The following ZMIZ1 variants were observed in gnomAD, a reference collection of about 807,000 sequenced individuals.
ZMIZ1 encodes the protein zinc finger MIZ-type containing 1.
ZMIZ1 carries 17 observed loss-of-function variants against 113.9 expected under a neutral mutation model. The ratio of observed to expected loss-of-function variants is 0.15; its 90% CI spans 0.10 to 0.22. The LOEUF (loss-of-function observed/expected upper bound fraction) is 0.22, where lower values mean the gene tolerates loss of function less well. Among genes scored for constraint, ZMIZ1 ranks in the 10% least tolerant of loss-of-function variants. The probability of loss-of-function intolerance (pLI) is 1.00; values close to 1 mark genes in which losing one functional copy is unlikely to be tolerated. For synonymous variants in ZMIZ1, 607 were observed against 603.1 expected (o/e 1.01, Z -0.09); for missense variants, 1,059 against 1,477.8 (o/e 0.72, Z 4.65).
chr10:79,284,359 G>T (rs1852926129), intron 8 of ZMIZ1, among the ~76,000 whole-genome samples: 1 of 152,144 alleles, frequency 6.6e-6, no homozygotes, highest in Non-Finnish European at 1.5e-5. Flanking sequence ...GGGCTTTGAA[G>T]TATGGATAGA....
intron 7 of ZMIZ1, among the ~76,000 whole-genome samples, chr10:79,273,339 T>C (rs1852063773): frequency 6.8e-6 from 1 of 147,230 alleles, no homozygotes; most frequent in South Asian, 2.1e-4. Flanking sequence ...TCCTGCTTCT[T>C]GGTTTCTTTT....
intron 1 of ZMIZ1, among the ~76,000 whole-genome samples, chr10:79,092,271 C>T (rs1339381223): frequency 6.6e-6 from 1 of 152,240 alleles, no homozygotes; most frequent in East Asian, 1.9e-4. Flanking sequence ...TTCTCATCCC[C>T]TTCTGGAAAA....
intron 1 of ZMIZ1, among the ~76,000 whole-genome samples, chr10:79,110,346 A>G (rs1452568305): frequency 6.6e-6 from 1 of 152,182 alleles, no homozygotes; most frequent in Non-Finnish European, 1.5e-5. Flanking sequence ...ACCGGTGGCC[A>G]CTCGGTCTGG....
chr10:79,296,454 T>A lies in ZMIZ1; in HGVS notation c.1231-17T>A. ...AACATTGAACGTGTTTCCCCTCTCCTTTCTCTCCCACCACAGCCCAACTAT... is the reference window on the plus strand; with the variant it reads ...AACATTGAACGTGTTTCCCCTCTCCATTCTCTCCCACCACAGCCCAACTAT... On this transcript the variant is annotated splice_polypyrimidine_tract_variant and intron_variant, in intron 12 of 24. Transcript: ENST00000334512. The surrounding 1 kb of genome is among the most constrained non-coding windows in gnomAD (Gnocchi z 4.1). The A allele has an allele frequency of 6.2e-7, 1 of 1,613,492 alleles. No homozygotes were observed. The highest frequency in any genetic ancestry group is 8.5e-7 in the Non-Finnish European group (1 of 1,179,688).
At chr10:79,239,496 C>A (rs1180045214) in intron 7 of ZMIZ1, among the ~76,000 whole-genome samples, 1 of 152,220 alleles carries the variant, frequency 6.6e-6, no homozygotes, top group African/African-American at 2.4e-5. Flanking sequence ...TGGGTGACAT[C>A]TCCGAGTCAT....
chr10:79,130,662 C>T (rs576990635), intron 2 of ZMIZ1, among the ~76,000 whole-genome samples: 22 of 152,110 alleles, frequency 1.4e-4, no homozygotes, highest in African/African-American at 1.9e-4. Flanking sequence ...GGTCTGATTC[C>T]GGCTCCATCA....
chr10:79,309,837 C>A (rs1854998341), intron 23 of ZMIZ1, among the ~76,000 whole-genome samples: 3 of 152,160 alleles, frequency 2.0e-5, no homozygotes, highest in African/African-American at 7.2e-5. Context: ...GGCTGCTGTT[C>A]CAGTGGAGCA....
chr10:79,167,286 C>A (rs1357060949), intron 4 of ZMIZ1, among the ~76,000 whole-genome samples: 1 of 152,230 alleles, frequency 6.6e-6, no homozygotes, highest in African/African-American at 2.4e-5. Context: ...ATTCACAGGG[C>A]AGATATTTTA....
At chr10:79,173,115 G>A (rs1846674711) in intron 4 of ZMIZ1, among the ~76,000 whole-genome samples, 1 of 152,164 alleles carries the variant, frequency 6.6e-6, no homozygotes, top group Admixed American at 6.5e-5. Context: ...GCTGCTCAGG[G>A]CCTGCTTGGC....
In ZMIZ1 at chr10:79,197,325, C is replaced by G. The variant is rs955604125; in HGVS notation, c.-49-4259C>G. On this transcript the variant is annotated intron_variant, in intron 4 of 24. Coordinates refer to ENST00000334512, the MANE Select transcript of ZMIZ1 (RefSeq NM_020338.4). Reference sequence around the variant, plus strand: ...TGGGTATCACATGGTGCCTGGGAGACCACCAGGGTCCTTTGGCTCTGATGG... The same window carrying G: ...TGGGTATCACATGGTGCCTGGGAGAGCACCAGGGTCCTTTGGCTCTGATGG... Among the ~76,000 whole-genome samples the G allele has an allele frequency of 2.6e-5, 4 of 152,294 alleles. No individual in the cohort carries two copies. The South Asian group carries it at 8.3e-4, about 32-fold the overall frequency.
chr10:79,230,089 G>A (rs1849335078), intron 7 of ZMIZ1, among the ~76,000 whole-genome samples: 1 of 152,168 alleles, frequency 6.6e-6, no homozygotes, highest in African/African-American at 2.4e-5. Context: ...TCCTCCGTAG[G>A]TTGCCCTGGG....
rs146385076 is a variant in ZMIZ1 at position 79,306,148 on chromosome 10, G to C, written c.2472G>C (p.Pro824=). ...VTIDPTCSWR[P]VPIKSDLHIK... ...TCGATCCCACGTGCAGCTGGCGGCC[G>C]GTGCCCATCAAGTCGGACTTACACA... Residue 824 remains proline, a synonymous_variant, in exon 22 of 25, where the codon CCG becomes CCC. Coordinates refer to ENST00000334512, the MANE Select transcript of ZMIZ1 (RefSeq NM_020338.4). 9 of 1,613,762 alleles carry C rather than the reference G, an allele frequency of 5.6e-6. No individual in the cohort carries two copies. The African/African-American group carries it at 1.2e-4, about 22-fold the overall frequency.
intron 1 of ZMIZ1, among the ~76,000 whole-genome samples, chr10:79,111,231 C>T (rs1843725487): frequency 6.6e-6 from 1 of 152,122 alleles, no homozygotes. Flanking sequence ...CAGGCCAGGG[C>T]AGGGAGGAGA....
At chr10:79,162,843 C>T (rs901841267) in intron 4 of ZMIZ1, among the ~76,000 whole-genome samples, 1 of 152,162 alleles carries the variant, frequency 6.6e-6, no homozygotes. Flanking sequence ...AGGATGGACA[C>T]GAACTGGACC....
At chr10:79,174,048 C>T (rs1231245037) in intron 4 of ZMIZ1, among the ~76,000 whole-genome samples, 1 of 152,236 alleles carries the variant, frequency 6.6e-6, no homozygotes, top group African/African-American at 2.4e-5. Flanking sequence ...TCTTGCTCAT[C>T]CTCAGATTGC....
At chr10:79,238,046 C>T (rs917705318) in intron 7 of ZMIZ1, among the ~76,000 whole-genome samples, 10 of 152,252 alleles carry the variant, frequency 6.6e-5, no homozygotes, top group African/African-American at 2.2e-4. Context: ...GCCCCAAGCC[C>T]TACCGGCTCC....
In ZMIZ1 at chr10:79,302,351, C is replaced by T. The variant is rs191097867; in HGVS notation, c.2125+139C>T. The T allele has an allele frequency of 4.1e-4, 336 of 816,848 alleles. 2 individuals carry two copies. Among genetic ancestry groups the T allele is most frequent in the African/African-American group, 3.3e-3 (193 of 59,146 alleles). The allele number at this position is 816,848 out of a possible 1,614,324, so 50.6% of individuals were successfully genotyped here. On this transcript the variant is annotated intron_variant, in intron 18 of 24. Coordinates refer to ENST00000334512, the MANE Select transcript of ZMIZ1 (RefSeq NM_020338.4). ...ACCGGGCCTGGAGTGTCCCTGAGCG[C>T]GCCCTGTCCTGAGGCTCATGCCCTC...
intron 3 of ZMIZ1, among the ~76,000 whole-genome samples, chr10:79,147,966 C>A (rs973631705): frequency 4.6e-5 from 7 of 152,210 alleles, no homozygotes; most frequent in African/African-American, 1.7e-4. Context: ...CAGAGTGGGG[C>A]CTCCCCAGGC....
intron 2 of ZMIZ1, among the ~76,000 whole-genome samples, chr10:79,136,638 T>G (rs1564672853): frequency 6.6e-6 from 1 of 152,260 alleles, no homozygotes; most frequent in Non-Finnish European, 1.5e-5. Context: ...ACATCTTGGT[T>G]GTGTGACCTT....
Sources: gnomAD v4.1 joint callset for allele counts (sites outside exome capture counted in the v4.1 genomes callset) on GRCh38, gnomAD v4.1.1 for gene constraint, Gnocchi (gnomAD v3.1) non-coding constraint, MANE v1.5 for transcripts, NCBI Gene and HGNC (gene_info 2026-07-23, HGNC 2026-07-21) for gene names.